The following FBXL16 variants were observed in gnomAD, a reference collection of about 807,000 sequenced individuals.
FBXL16 encodes the protein F-box and leucine rich repeat protein 16.
Under a neutral mutation model 36.7 loss-of-function variants are expected in FBXL16, and 7 were observed. That is an observed-to-expected ratio of 0.19 (90% CI 0.11 to 0.36). The LOEUF is 0.36. Among genes scored for constraint, FBXL16 ranks in the 10% least tolerant of loss-of-function variants. FBXL16 has a pLI of 1.00. For missense variants in FBXL16, 463 were observed against 659.4 expected, an observed-to-expected ratio of 0.70 and a Z score of 3.26; for synonymous variants, 355 against 308.7, an observed-to-expected ratio of 1.15 and a Z score of -1.57.
intron 1 of FBXL16, among the ~76,000 whole-genome samples, chr16:703,141 T>G (rs2040068839): frequency 6.6e-6 from 1 of 152,196 alleles, no homozygotes; most frequent in African/African-American, 2.4e-5. Flanking sequence ...CTCTGCCCTG[T>G]TCTGCCTCAT....
At chr16:703,557 AT>A (rs1381477880) in intron 1 of FBXL16, among the ~76,000 whole-genome samples, 3 of 152,012 alleles carry the variant, frequency 2.0e-5, no homozygotes, top group Non-Finnish European at 4.4e-5. Flanking sequence ...GTGGCTGGGG[AT>A]TGGGGACAGG....
Position 694,343 on chromosome 16 carries a change from G to A in FBXL16, c.1372C>T (p.Pro458Ser). ...TTGAAGAGCTCGGGGGTGGCCCCGG[G>A]GCAGTTGGTCAGCTCCAGCTCCTCC... is the stretch of plus-strand genomic sequence containing the variant. ...ELEELELTNCPGATPELFKYF... is the reference protein window; with the variant it reads ...ELEELELTNCSGATPELFKYF... Residue 458 changes from proline (P) to serine (S), a missense_variant, in exon 6 of 6, where the codon CCC (proline) becomes TCC (serine). Physicochemically the swap from Pro to Ser is moderately conservative, Grantham distance 74. Around this residue, in one of 3 missense-constraint regions of FBXL16, gnomAD observed 134 missense variants for 172.0 expected, o/e 0.78. Coordinates refer to ENST00000397621, the MANE Select transcript of FBXL16 (RefSeq NM_153350.4). 1 of 1,521,928 alleles carries A rather than the reference G, an allele frequency of 6.6e-7. No individual in the cohort carries two copies. Among genetic ancestry groups the A allele is most frequent in the Non-Finnish European group, 8.8e-7 (1 of 1,141,984 alleles). 94.3% of individuals were successfully genotyped at this position (1,521,928 alleles called of 1,614,324 possible). A position where few individuals can be genotyped will look rare whatever the true frequency, so the allele number is the denominator to read the frequency against.
At chr16:701,616 C>T (rs532994348) in intron 1 of FBXL16, among the ~76,000 whole-genome samples, 1 of 152,230 alleles carries the variant, frequency 6.6e-6, no homozygotes, top group Admixed American at 6.5e-5. Flanking sequence ...CCCCACCCAC[C>T]CAGCCAGACG....
intron 3 of FBXL16, 67 bp downstream of exon 3, chr16:695,343 AGCCCC>A (rs947863380): frequency 1.1e-4 from 105 of 944,294 alleles, no homozygotes; most frequent in South Asian, 5.6e-4. Flanking sequence ...GGCCCCGTGC[AGCCCC>A]GCCCCGCCCC....
At position 695,467 on chromosome 16, in the gene FBXL16, G is replaced by A. The variant is rs1330509383; in HGVS notation, c.1090C>T (p.Leu364=). 1 of 1,573,256 alleles carries A rather than the reference G, an allele frequency of 6.4e-7. No homozygotes were observed. Among genetic ancestry groups the A allele is most frequent in the Non-Finnish European group, 8.6e-7 (1 of 1,166,848 alleles). ...TGCAGGTCGCAGGCCACGTACTCCA[G>A]CGCCATGTCGGTGATGCGTGGGCAC... ...SWCPRITDMA[L]EYVACDLHRL... Residue 364 remains leucine (L), a synonymous_variant, in exon 3 of 6, where the codon CTG becomes TTG. Coordinates refer to ENST00000397621, the MANE Select transcript of FBXL16 (RefSeq NM_153350.4).
chr16:694,560 G>C lies in FBXL16; in HGVS notation c.1291+74C>G, dbSNP rs564177813. 128 of 1,530,470 alleles carry C rather than the reference G, an allele frequency of 8.4e-5. No individual in the cohort carries two copies. In the African/African-American group the frequency reaches 1.6e-3, roughly 19 times the overall value. The allele number at this position is 1,530,470 out of a possible 1,614,324, so 94.8% of individuals were successfully genotyped here. On this transcript the variant is annotated intron_variant, in intron 5 of 5. Transcript: ENST00000397621. The stretch of plus-strand genomic sequence containing the variant: ...CCGGGTGTGAGTTTGCACAAGGACC[G>C]GGCAGGTTGGGCGGGTGGACTAAGT...
chr16:695,025 GGAC>G lies in FBXL16; in HGVS notation c.1191_1193del (p.Ser398del). 6.4e-7 allele frequency: 1 copy of G among 1,573,560 alleles called. No homozygotes were observed. The highest frequency in any genetic ancestry group is 1.2e-5 in the South Asian group (1 of 86,394). On this transcript the variant is annotated inframe_deletion, in exon 4 of 6. Coordinates refer to ENST00000397621, the MANE Select transcript of FBXL16 (RefSeq NM_153350.4). ...ACCATCGCAGGTAGAGGCTGCGGAGGGACGACATGGTGGACAGATAGCTGAGGC... is the reference window on the plus strand; with the variant it reads ...ACCATCGCAGGTAGAGGCTGCGGAGGGACATGGTGGACAGATAGCTGAGGC...
rs1424490481 is a variant in FBXL16 at position 697,551 on chromosome 16, G to A, written c.-14-132C>T. 23 of 1,171,542 alleles carry A rather than the reference G, an allele frequency of 2.0e-5. No individual in the cohort carries two copies. Among genetic ancestry groups the A allele is most frequent in the Non-Finnish European group, 2.3e-5 (20 of 867,736 alleles). The allele number at this position is 1,171,542 out of a possible 1,614,324, so 72.6% of individuals were successfully genotyped here. On this transcript the variant is annotated intron_variant, in intron 1 of 5. Transcript: ENST00000397621. This position sits in a 1 kb window ranked among gnomAD's most constrained non-coding sequence, Gnocchi z 4.6. ...TGCTCCCAGAACCACCAGACAGAGA[G>A]GATGGGAGTGCCTGCTTCTCCCTCC...
Position 697,778 on chromosome 16 carries a change from A to G in FBXL16, c.-14-359T>C, listed in dbSNP as rs1352484372. 1.3e-5 allele frequency among the ~76,000 whole-genome samples: 2 copies of G among 151,968 alleles called. No homozygotes were observed. The highest frequency in any genetic ancestry group is 4.8e-5 in the African/African-American group (2 of 41,382). ...CACTTTGGGAGGCCGAGGCGGGTGGATCATGAGGTCAGGAGATCGAGACCA... is the reference window on the plus strand; with the variant it reads ...CACTTTGGGAGGCCGAGGCGGGTGGGTCATGAGGTCAGGAGATCGAGACCA... On this transcript the variant is annotated intron_variant, in intron 1 of 5. Coordinates refer to ENST00000397621, the MANE Select transcript of FBXL16 (RefSeq NM_153350.4). This position sits in a 1 kb window ranked among gnomAD's most constrained non-coding sequence, Gnocchi z 4.6.
Position 695,744 on chromosome 16 carries a change from C to T in FBXL16, c.813G>A (p.Ala271=), listed in dbSNP as rs757743985. Residue 271 remains alanine (A), a synonymous_variant, in exon 3 of 6, where the codon GCG becomes GCA. Coordinates refer to ENST00000397621, the MANE Select transcript of FBXL16 (RefSeq NM_153350.4). Reference sequence around the variant, plus strand: ...CGTGGTAGGCCTGCAGGCTCAGCTCCGCCAGGTTGGGCAGCAGCTGCGAGA... The same window carrying T: ...CGTGGTAGGCCTGCAGGCTCAGCTCTGCCAGGTTGGGCAGCAGCTGCGAGA... The part of the protein sequence containing the change: ...AAISQLLPNL[A]ELSLQAYHVT... The T allele has an allele frequency of 1.1e-5, 17 of 1,603,154 alleles. No homozygotes were observed. The highest frequency in any genetic ancestry group is 4.4e-5 in the South Asian group (4 of 91,002).
At chr16:699,775 GC>G (rs2040042497) in intron 1 of FBXL16, among the ~76,000 whole-genome samples, 1 of 146,874 alleles carries the variant, frequency 6.8e-6, no homozygotes, top group South Asian at 2.2e-4. Context: ...AGCCCACCCT[GC>G]CCCCTCCTGC....
intron 1 of FBXL16, among the ~76,000 whole-genome samples, chr16:698,661 A>T (rs2040032833): frequency 6.6e-6 from 1 of 152,208 alleles, no homozygotes; most frequent in Non-Finnish European, 1.5e-5. Context: ...TGATGCCTGT[A>T]ATTCTAGCAC....
At chr16:698,913 C>CAAAAAAAAAAAAAAAAAAAAAAAAAA (rs767619638) in intron 1 of FBXL16, among the ~76,000 whole-genome samples, 1 of 89,726 alleles carries the variant, frequency 1.1e-5, no homozygotes, top group Non-Finnish European at 2.5e-5. Context: ...GACTTTGTCT[C>CAAAAAAAAAAAAAAAAAAAAAAAAAA]AAAAAAAAAA....
At chr16:694,839 G>T in intron 4 of FBXL16, 142 bp from the exon 5 acceptor site, 3 of 1,261,638 alleles carry the variant, frequency 2.4e-6, no homozygotes, top group Non-Finnish European at 3.3e-6. Context: ...GGAAGTGCTC[G>T]TGGGGGCCGC....
intron 1 of FBXL16, among the ~76,000 whole-genome samples, chr16:701,491 C>T (rs2040056815): frequency 6.6e-6 from 1 of 152,266 alleles, no homozygotes; most frequent in Non-Finnish European, 1.5e-5. Context: ...TTGGCCCAGG[C>T]ATGGGCGCTG....
At chr16:696,340 A>AC (rs1421262122) in intron 2 of FBXL16, among the ~76,000 whole-genome samples, 1 of 151,460 alleles carries the variant, frequency 6.6e-6, no homozygotes, top group African/African-American at 2.4e-5. Flanking sequence ...AGCTCACTGT[A>AC]CCCCCCGCCT....
intron 2 of FBXL16, 71 bp from the exon 3 acceptor site, chr16:695,994 G>A: frequency 1.3e-6 from 2 of 1,500,628 alleles, no homozygotes; most frequent in South Asian, 1.3e-5. Context: ...AAGCAGTAGG[G>A]TGTAAACATG....
intron 3 of FBXL16, 126 bp downstream of exon 3, chr16:695,289 C>A: frequency 8.5e-7 from 1 of 1,178,894 alleles, no homozygotes; most frequent in Non-Finnish European, 1.1e-6. Flanking sequence ...GAGGGCTCTG[C>A]CCGCCGCGCC....
intron 1 of FBXL16, among the ~76,000 whole-genome samples, chr16:704,271 T>C (rs963455943): frequency 1.3e-5 from 2 of 152,108 alleles, no homozygotes; most frequent in African/African-American, 2.4e-5. Flanking sequence ...TTCTCATCAG[T>C]GGGAGGTAGG....
Sources: allele counts gnomAD v4.1 joint callset (sites outside exome capture counted in the v4.1 genomes callset), GRCh38; gene constraint gnomAD v4.1.1; regional missense constraint gnomAD v4.1.1; non-coding constraint Gnocchi (gnomAD v3.1); transcripts MANE v1.5; gene names NCBI Gene and HGNC (gene_info 2026-07-23, HGNC 2026-07-21).